SRGAP3: variants seen among roughly 807,000 people sequenced by gnomAD.
SRGAP3 encodes SLIT-ROBO Rho GTPase activating protein 3, also known as SLIT-ROBO Rho GTPase-activating protein 3.
Under a neutral mutation model 121.1 loss-of-function variants are expected in SRGAP3, and 39 were observed. The ratio of observed to expected loss-of-function variants is 0.32; its 90% CI spans 0.25 to 0.42. The LOEUF is 0.42. Ranked by LOEUF, SRGAP3 falls within the 10% of genes least tolerant of loss-of-function variation. SRGAP3 has a pLI of 1.00. For missense variants in SRGAP3, 1,213 were observed against 1,470.6 expected (o/e 0.82, Z 2.86); for synonymous variants, 601 against 570.0 (o/e 1.05, Z -0.77).
At chr3:9,089,293 G>GC (rs1491512961) in intron 3 of SRGAP3, among the ~76,000 whole-genome samples, 1 of 17,676 alleles carries the variant, frequency 5.7e-5, no homozygotes, top group African/African-American at 2.6e-4. Flanking sequence ...TGGGGTGGGC[G>GC]GGGGGGGGGG....
chr3:9,167,298 C>T lies in SRGAP3; in HGVS notation c.68-42381G>A, dbSNP rs140124678. ...TCCAATTTGGATCAAGACACAGAGG[C>T]CCTGACTCATCCTGCTGGTTTCCCC... On this transcript the variant is annotated intron_variant, in intron 1 of 21. Transcript: ENST00000383836. Among the ~76,000 whole-genome samples, 1,040 of 152,298 alleles carry T rather than the reference C, an allele frequency of 6.8e-3. 13 individuals are homozygous for T. Among genetic ancestry groups the T allele is most frequent in the African/African-American group, 0.024 (982 of 41,544 alleles).
Position 9,001,856 on chromosome 3 carries a change from A to G in SRGAP3, c.2228-7333T>C, listed in dbSNP as rs990876924. The stretch of plus-strand genomic sequence containing the variant: ...ATAATGATAAAAATTTTGATCTATC[A>G]AGATAAAAACAATTATAAACAAAAT... On this transcript the variant is annotated intron_variant, in intron 18 of 21. Coordinates refer to ENST00000383836, the MANE Select transcript of SRGAP3 (RefSeq NM_014850.4). Among the ~76,000 whole-genome samples, 4 of 152,194 alleles carry G rather than the reference A, an allele frequency of 2.6e-5. No homozygotes were observed. The South Asian group carries it at 8.3e-4, about 31-fold the overall frequency.
chr3:9,274,694 G>A (rs78268599), intron 3 of SRGAP3, among the ~76,000 whole-genome samples: 28,986 of 152,142 alleles, frequency 0.19, 3,493 homozygotes, highest in Non-Finnish European at 0.27. Context: ...TAGTAAATGA[G>A]GGGGATTTTA....
chr3:9,172,522 T>C (rs1459352565), intron 1 of SRGAP3, among the ~76,000 whole-genome samples: 1 of 152,204 alleles, frequency 6.6e-6, no homozygotes, highest in African/African-American at 2.4e-5. Flanking sequence ...ATCCAATCCA[T>C]TACCAATACC....
intron 14 of SRGAP3, among the ~76,000 whole-genome samples, chr3:9,023,219 A>G (rs1397627512): frequency 1.3e-5 from 2 of 152,204 alleles, no homozygotes; most frequent in African/African-American, 4.8e-5. Context: ...GCCCAGGAGG[A>G]GGCAACCAGC....
At chr3:9,359,205 T>C (rs553288943) in intron 1 of SRGAP3, among the ~76,000 whole-genome samples, 1 of 152,314 alleles carries the variant, frequency 6.6e-6, no homozygotes, top group South Asian at 2.1e-4. Context: ...GTCATGATCT[T>C]ATAAAAGGGT....
intron 3 of SRGAP3, among the ~76,000 whole-genome samples, chr3:9,315,031 G>T (rs1042817233): frequency 6.6e-6 from 1 of 152,226 alleles, no homozygotes; most frequent in African/African-American, 2.4e-5. Context: ...TAAGCACTAT[G>T]AAGATTTATT....
chr3:9,358,289 A>G (rs1381757751), intron 1 of SRGAP3, among the ~76,000 whole-genome samples: 2 of 150,494 alleles, frequency 1.3e-5, no homozygotes, highest in Non-Finnish European at 2.9e-5. Flanking sequence ...CTGTCTCTAT[A>G]TATTTACCTA....
At chr3:9,252,511 C>CT (rs1433290784), upstream of SRGAP3, among the ~76,000 whole-genome samples, 5 of 152,036 alleles carry the variant, frequency 3.3e-5, no homozygotes, top group Non-Finnish European at 7.4e-5. Context: ...AGACCTAGGA[C>CT]TAGAGCTTGG....
In SRGAP3 at chr3:9,124,736, C is replaced by G; in HGVS notation, c.249G>C (p.Glu83Asp). Residue 83 changes from glutamate to aspartate, a missense_variant, in exon 2 of 22, where the codon GAG becomes GAC. Glu to Asp is a conservative substitution (Grantham distance 45). Coordinates refer to ENST00000383836, the MANE Select transcript of SRGAP3 (RefSeq NM_014850.4). Reference sequence around the variant, plus strand: ...ACCCAACTTCTTACTTGAACTGGTGCTCCCGGGAGCTGCGGATTTTGGAGG... The same window carrying G: ...ACCCAACTTCTTACTTGAACTGGTGGTCCCGGGAGCTGCGGATTTTGGAGG... Reference protein sequence around the residue: ...RFSSKIRSSREHQFKKDQYLL... With the variant: ...RFSSKIRSSRDHQFKKDQYLL... The G allele has an allele frequency of 6.2e-7, 1 of 1,614,112 alleles. No homozygotes were observed. Among genetic ancestry groups the G allele is most frequent in the Non-Finnish European group, 8.5e-7 (1 of 1,180,058 alleles).
At chr3:9,325,164 G>C (rs1955497457) in intron 3 of SRGAP3, among the ~76,000 whole-genome samples, 1 of 151,756 alleles carries the variant, frequency 6.6e-6, no homozygotes, top group Non-Finnish European at 1.5e-5. Flanking sequence ...ACGTTCTAGA[G>C]ATGGCTGCAT....
intron 3 of SRGAP3, among the ~76,000 whole-genome samples, chr3:9,098,782 CT>C (rs1168949891): frequency 8.5e-5 from 13 of 152,346 alleles, no homozygotes; most frequent in African/African-American, 3.1e-4. Flanking sequence ...TGTTTGTTAT[CT>C]ATAATTATTG....
intron 1 of SRGAP3, among the ~76,000 whole-genome samples, chr3:9,141,336 C>T (rs1949838875): frequency 6.6e-6 from 1 of 152,160 alleles, no homozygotes; most frequent in African/African-American, 2.4e-5. Context: ...ATGAGAATGC[C>T]ACATGGAAGA....
At chr3:9,091,738 C>T (rs773595156) in intron 3 of SRGAP3, among the ~76,000 whole-genome samples, 3 of 152,142 alleles carry the variant, frequency 2.0e-5, no homozygotes, top group Non-Finnish European at 2.9e-5. Flanking sequence ...CTCTCCATCC[C>T]GGCGCCAACC....
chr3:9,248,730 G>A (rs1252223503), intron 1 of SRGAP3, among the ~76,000 whole-genome samples, 155 bp downstream of exon 1: 1 of 152,118 alleles, frequency 6.6e-6, no homozygotes, highest in Admixed American at 6.5e-5. Flanking sequence ...GTCCGGACTT[G>A]TGCGGCTGCC....
intron 12 of SRGAP3, among the ~76,000 whole-genome samples, chr3:9,032,262 T>A (rs1385022138): frequency 6.6e-6 from 1 of 152,234 alleles, no homozygotes; most frequent in African/African-American, 2.4e-5. Flanking sequence ...TTGCTTTCAA[T>A]CTAGCTCCTC....
At chr3:9,076,627 C>T (rs1192231136) in intron 4 of SRGAP3, among the ~76,000 whole-genome samples, 2 of 152,162 alleles carry the variant, frequency 1.3e-5, no homozygotes, top group African/African-American at 4.8e-5. Context: ...CCTACCCATC[C>T]AAAGGCACCA....
intron 3 of SRGAP3, among the ~76,000 whole-genome samples, chr3:9,092,961 TTC>T (rs145213265): frequency 0.016 from 2,343 of 149,300 alleles, 54 homozygotes; most frequent in African/African-American, 0.053. Flanking sequence ...TATATACATA[TTC>T]TCTCTCTCTC....
chr3:9,094,275 G>A (rs1266244258), intron 3 of SRGAP3, among the ~76,000 whole-genome samples: 6 of 152,048 alleles, frequency 3.9e-5, no homozygotes, highest in Admixed American at 3.9e-4. Flanking sequence ...AAGTTTTCAA[G>A]CTTTATTCAC....
Sources: gnomAD v4.1 joint callset for allele counts (sites outside exome capture counted in the v4.1 genomes callset) on GRCh38, gnomAD v4.1.1 for gene constraint, MANE v1.5 for transcripts, NCBI Gene and HGNC (gene_info 2026-07-23, HGNC 2026-07-21) for gene names.